CSMD1: variants seen among roughly 807,000 people sequenced by gnomAD.
The protein encoded by CSMD1 is CUB and sushi domain-containing protein 1.
A neutral mutation model predicts 417.5 loss-of-function variants in CSMD1; 213 were observed. The ratio of observed to expected loss-of-function variants is 0.51; its 90% CI spans 0.46 to 0.57. The LOEUF is 0.57. CSMD1 is among the 20% of genes least tolerant of loss of function. The probability of loss-of-function intolerance (pLI) is 0.00; values close to 1 mark genes in which losing one functional copy is unlikely to be tolerated. For synonymous variants in CSMD1, 2,862 were observed against 1,736.8 expected (o/e 1.65, Z -16.11); for missense variants, 6,923 against 4,529.7 (o/e 1.53, Z -15.17).
In CSMD1 at chr8:3,439,296, TA is replaced by T. The variant is rs1563390409; in HGVS notation, c.1561+29415del. On this transcript the variant is annotated intron_variant, in intron 12 of 69. Coordinates refer to ENST00000635120, the MANE Select transcript of CSMD1 (RefSeq NM_033225.6). ...GGCAATGTCAGTATATATATATATA[TA>T]TATATATATATATTTTTTTTTTTAA... Among the ~76,000 whole-genome samples, 454 of 50,520 alleles carry T rather than the reference TA, an allele frequency of 9.0e-3. 15 individuals are homozygous for T. The highest frequency in any genetic ancestry group is 0.042 in the Middle Eastern group (4 of 96). The allele number at this position is 50,520 out of a possible 152,430, so 33.1% of individuals were successfully genotyped here. A position where few individuals can be genotyped will look rare whatever the true frequency, so the allele number is the denominator to read the frequency against.
chr8:3,168,355 T>C (rs959637381), intron 37 of CSMD1, among the ~76,000 whole-genome samples: 1 of 152,192 alleles, frequency 6.6e-6, no homozygotes, highest in Non-Finnish European at 1.5e-5. Context: ...CAGATGAAAA[T>C]TCCTCTTTTT....
chr8:3,238,714 T>G (rs1283223589), intron 26 of CSMD1, among the ~76,000 whole-genome samples: 1 of 152,074 alleles, frequency 6.6e-6, no homozygotes, highest in African/African-American at 2.4e-5. Flanking sequence ...AAACAGGTAT[T>G]AAGGGACTAA....
At chr8:3,552,713 G>A (rs1012657046) in intron 10 of CSMD1, among the ~76,000 whole-genome samples, 2 of 152,108 alleles carry the variant, frequency 1.3e-5, no homozygotes, top group African/African-American at 2.4e-5. Context: ...TTTAGACTAC[G>A]AAATTATCTA....
chr8:4,919,271 G>C (rs986949057), intron 1 of CSMD1, among the ~76,000 whole-genome samples: 1 of 152,174 alleles, frequency 6.6e-6, no homozygotes, highest in Non-Finnish European at 1.5e-5. Context: ...GGAAAAAGAA[G>C]AGTTCTGTCA....
At chr8:4,340,749 A>G (rs745717371) in intron 3 of CSMD1, among the ~76,000 whole-genome samples, 7 of 152,084 alleles carry the variant, frequency 4.6e-5, no homozygotes, top group African/African-American at 1.7e-4. Context: ...TATTTTCAGC[A>G]AACTCTGCAA....
At chr8:3,448,645 G>A (rs887629482) in intron 12 of CSMD1, among the ~76,000 whole-genome samples, 3 of 152,000 alleles carry the variant, frequency 2.0e-5, no homozygotes, top group East Asian at 3.9e-4. Context: ...CAAGGAGCGG[G>A]GCAGCATGAG....
intron 26 of CSMD1, among the ~76,000 whole-genome samples, chr8:3,238,689 G>T (rs922763215): frequency 6.6e-6 from 1 of 152,010 alleles, no homozygotes; most frequent in Non-Finnish European, 1.5e-5. Context: ...AAAACTAAAC[G>T]GAATAAGAGG....
At position 3,929,887 on chromosome 8, in the gene CSMD1, C is replaced by G. The variant is rs560650389; in HGVS notation, c.818+68016G>C. The stretch of plus-strand genomic sequence containing the variant: ...ATATTGGTCCCGCTCATCTCCAACC[C>G]CTGACCTCAGGTGATCTACCTGCCT... On this transcript the variant is annotated intron_variant, in intron 5 of 69. Coordinates refer to ENST00000635120, the MANE Select transcript of CSMD1 (RefSeq NM_033225.6). 1.5e-4 allele frequency among the ~76,000 whole-genome samples: 23 copies of G among 150,240 alleles called. 1 individual carries two copies. The highest frequency in any genetic ancestry group is 5.2e-4 in the African/African-American group (21 of 40,762).
At chr8:3,990,016 G>C (rs1814625378) in intron 5 of CSMD1, among the ~76,000 whole-genome samples, 1 of 152,194 alleles carries the variant, frequency 6.6e-6, no homozygotes, top group Non-Finnish European at 1.5e-5. Flanking sequence ...CCAGTTGGCT[G>C]ATTTGAGGAA....
intron 2 of CSMD1, among the ~76,000 whole-genome samples, chr8:4,434,832 C>A (rs1400367319): frequency 2.0e-4 from 31 of 152,188 alleles, no homozygotes; most frequent in Non-Finnish European, 1.8e-4. Flanking sequence ...GCTCAACCAT[C>A]CATAGCTGTC....
Position 3,635,032 on chromosome 8 carries a change from A to C in CSMD1, c.1010-18235T>G, listed in dbSNP as rs140225849. 8.9e-3 allele frequency among the ~76,000 whole-genome samples: 1,346 copies of C among 151,490 alleles called. 15 individuals carry two copies. Among genetic ancestry groups the C allele is most frequent in the African/African-American group, 0.03 (1,253 of 41,314 alleles). ...ACTAAACATTGAAAAACTAAGGTAAAAACACTGTTTAATGATAAAAAAAAA... is the reference window on the plus strand; with the variant it reads ...ACTAAACATTGAAAAACTAAGGTAACAACACTGTTTAATGATAAAAAAAAA... On this transcript the variant is annotated intron_variant, in intron 7 of 69. Transcript: ENST00000635120.
At chr8:4,213,939 C>T (rs748346007) in intron 3 of CSMD1, among the ~76,000 whole-genome samples, 13 of 152,176 alleles carry the variant, frequency 8.5e-5, no homozygotes, top group East Asian at 1.9e-4. Context: ...CACTAGCATA[C>T]GACTATGTAA....
At position 2,951,253 on chromosome 8, in the gene CSMD1, G is replaced by C. The variant is rs1802609567; in HGVS notation, c.10062C>G (p.Val3354=). The change falls in exon 66 of 70, where the codon GTC becomes GTG. Residue 3354 remains valine, a synonymous_variant. Transcript: ENST00000635120. ...CATAATACCCCTTCCACAGTGAATTGACGAAAAAGACATCTGAAGGAACTG... is the reference window on the plus strand; with the variant it reads ...CATAATACCCCTTCCACAGTGAATTCACGAAAAAGACATCTGAAGGAACTG... The part of the protein sequence containing the change: ...KTPVPSDVFF[V]NSLWKGYYEY... 13 of 1,604,676 alleles carry C rather than the reference G, an allele frequency of 8.1e-6. No homozygotes were observed. In the East Asian group the frequency reaches 2.7e-4, roughly 33 times the overall value.
At chr8:2,953,216 A>G (rs1452512148) in intron 65 of CSMD1, among the ~76,000 whole-genome samples, 1 of 152,194 alleles carries the variant, frequency 6.6e-6, no homozygotes, top group Non-Finnish European at 1.5e-5. Context: ...TTTTTAGGTA[A>G]TATTTAAATA....
At chr8:4,028,228 A>G (rs932936403) in intron 4 of CSMD1, among the ~76,000 whole-genome samples, 1 of 152,226 alleles carries the variant, frequency 6.6e-6, no homozygotes, top group African/African-American at 2.4e-5. Context: ...TAATTCAAAT[A>G]CGATTAATCC....
chr8:3,076,316 C>G (rs1293726594), intron 49 of CSMD1, among the ~76,000 whole-genome samples: 2 of 73,486 alleles, frequency 2.7e-5, no homozygotes, highest in African/African-American at 1.6e-4. Context: ...AGGCTAACTT[C>G]CTCTTTGTAT....
intron 2 of CSMD1, among the ~76,000 whole-genome samples, chr8:4,450,361 C>T (rs975256033): frequency 1.3e-5 from 2 of 152,128 alleles, no homozygotes; most frequent in Non-Finnish European, 2.9e-5. Context: ...GGTGTGGTGG[C>T]TCACACCTGT....
chr8:4,707,046 T>C (rs1483731065), intron 1 of CSMD1, among the ~76,000 whole-genome samples: 2 of 152,190 alleles, frequency 1.3e-5, no homozygotes, highest in Non-Finnish European at 2.9e-5. Flanking sequence ...CTTAAGGACT[T>C]AAGGTGATCA....
chr8:3,696,047 A>G (rs1250016178), intron 7 of CSMD1, among the ~76,000 whole-genome samples: 1 of 152,090 alleles, frequency 6.6e-6, no homozygotes, highest in African/African-American at 2.4e-5. Flanking sequence ...ACGTGCAAAA[A>G]AAAGCTGTTA....
Sources: gnomAD v4.1 joint callset for allele counts (sites outside exome capture counted in the v4.1 genomes callset) on GRCh38, gnomAD v4.1.1 for gene constraint, MANE v1.5 for transcripts, NCBI Gene and HGNC (gene_info 2026-07-23, HGNC 2026-07-21) for gene names.